Variants in SCAPER observed in about 807,000 individuals in gnomAD.
SCAPER encodes S phase cyclin A-associated protein in the endoplasmic reticulum.
In SCAPER, 98 loss-of-function variants were observed where a neutral mutation model predicts 182.2. The observed-to-expected ratio is 0.54, with a 90% CI of 0.46 to 0.64. The LOEUF (loss-of-function observed/expected upper bound fraction) is 0.64. Ranked by LOEUF, SCAPER falls within the 30% of genes least tolerant of loss-of-function variation. The probability of loss-of-function intolerance (pLI) is 0.00; values close to 1 mark genes in which losing one functional copy is unlikely to be tolerated. For missense variants in SCAPER, 1,432 were observed against 1,690.0 expected (o/e 0.85, Z 2.68); for synonymous variants, 605 against 564.6 (o/e 1.07, Z -1.01).
chr15:76,385,458 G>A (rs1025899478), intron 27 of SCAPER, among the ~76,000 whole-genome samples: 2 of 152,082 alleles, frequency 1.3e-5, no homozygotes, highest in African/African-American at 4.8e-5. Flanking sequence ...AATCCCTGAG[G>A]GATCTTGTGA....
chr15:76,861,012 A>T (rs1206198620), intron 3 of SCAPER, among the ~76,000 whole-genome samples: 5 of 152,158 alleles, frequency 3.3e-5, no homozygotes, highest in African/African-American at 1.2e-4. Context: ...AGTCCACACA[A>T]ACTGAAAATA....
At chr15:76,518,408 G>A (rs1018231921) in intron 23 of SCAPER, among the ~76,000 whole-genome samples, 1 of 152,122 alleles carries the variant, frequency 6.6e-6, no homozygotes, top group Non-Finnish European at 1.5e-5. Flanking sequence ...GAAGCAGCTG[G>A]GGTAAAAGTC....
At chr15:76,591,740 T>C (rs1348003750) in intron 22 of SCAPER, among the ~76,000 whole-genome samples, 5 of 152,206 alleles carry the variant, frequency 3.3e-5, no homozygotes, top group African/African-American at 7.2e-5. Flanking sequence ...AATCAAAATA[T>C]ATATATAAGT....
intron 25 of SCAPER, among the ~76,000 whole-genome samples, chr15:76,460,718 C>T (rs1261274835): frequency 6.6e-6 from 1 of 152,124 alleles, no homozygotes; most frequent in Non-Finnish European, 1.5e-5. Context: ...TCTTTCCATT[C>T]TTCAGACTAC....
intron 8 of SCAPER, among the ~76,000 whole-genome samples, chr15:76,785,462 CAG>C (rs980788955): frequency 6.6e-6 from 1 of 152,202 alleles, no homozygotes; most frequent in African/African-American, 2.4e-5. Flanking sequence ...CTGTGGAAGA[CAG>C]TGTGGCGATT....
rs113399087 is a variant in SCAPER at position 76,836,063 on chromosome 15, C to T, written c.393+5671G>A. Among the ~76,000 whole-genome samples, 1,016 of 152,038 alleles carry T rather than the reference C, an allele frequency of 6.7e-3. 13 individuals are homozygous for T. The highest frequency in any genetic ancestry group is 0.023 in the African/African-American group (968 of 41,448). ...CAAACAAATGGAAACATATTCCATG[C>T]TCATGGATAGGAAGAATCAATACTG... On this transcript the variant is annotated intron_variant, in intron 5 of 31. Transcript: ENST00000563290.
chr15:76,564,094 G>C (rs148561069), intron 23 of SCAPER, among the ~76,000 whole-genome samples: 99 of 152,190 alleles, frequency 6.5e-4, no homozygotes, highest in African/African-American at 2.2e-3. Context: ...CTTTATCCTT[G>C]AAAGCCGGCA....
intron 17 of SCAPER, among the ~76,000 whole-genome samples, 175 bp downstream of exon 17, chr15:76,728,420 G>A (rs1441740298): frequency 2.6e-5 from 4 of 152,082 alleles, no homozygotes; most frequent in African/African-American, 9.7e-5. Context: ...TGTAGTCCAA[G>A]CTACTCAGGA....
At chr15:76,567,611 A>G (rs2047134169) in intron 23 of SCAPER, among the ~76,000 whole-genome samples, 1 of 152,124 alleles carries the variant, frequency 6.6e-6, no homozygotes, top group African/African-American at 2.4e-5. Flanking sequence ...TTTAATTTGA[A>G]TTGTCCTGAT....
At chr15:76,376,572 C>T (rs554823234) in intron 28 of SCAPER, among the ~76,000 whole-genome samples, 1 of 152,306 alleles carries the variant, frequency 6.6e-6, no homozygotes, top group African/African-American at 2.4e-5. Context: ...CTACCTAAAG[C>T]ACAGTTATTT....
At chr15:76,591,185 AT>A (rs980414634) in intron 22 of SCAPER, among the ~76,000 whole-genome samples, 2 of 152,132 alleles carry the variant, frequency 1.3e-5, no homozygotes, top group African/African-American at 4.8e-5. Flanking sequence ...ATTTATACAA[AT>A]TAAAAAAAAG....
In SCAPER at chr15:76,716,281, A is replaced by C. The variant is rs571979962; in HGVS notation, c.2166-10297T>G. Among the ~76,000 whole-genome samples the C allele has an allele frequency of 6.6e-5, 10 of 152,160 alleles. No homozygotes were observed. In the East Asian group the frequency reaches 1.9e-3, roughly 29 times the overall value. ...AGCAGAGCCACTGTGTCCTACACCC[A>C]AGCGGTACCCTCAGGCCCATCTTCA... On this transcript the variant is annotated intron_variant, in intron 17 of 31. Transcript: ENST00000563290.
chr15:76,596,526 G>A lies in SCAPER; in HGVS notation c.2712-22242C>T, dbSNP rs1434084034. ...GACACAACAAAAAAAGAAAATTTCA[G>A]GCCAATATCCCTGTTGAACACCGAT... On this transcript the variant is annotated intron_variant, in intron 22 of 31. Transcript: ENST00000563290. 9.1e-5 allele frequency among the ~76,000 whole-genome samples: 11 copies of A among 120,230 alleles called. 5 individuals are homozygous for A. The highest frequency in any genetic ancestry group is 1.8e-4 in the Non-Finnish European group (9 of 49,532). The allele number at this position is 120,230 out of a possible 152,430, so 78.9% of individuals were successfully genotyped here.
chr15:76,569,462 T>A (rs1485199562), intron 23 of SCAPER, among the ~76,000 whole-genome samples: 1 of 152,176 alleles, frequency 6.6e-6, no homozygotes, highest in African/African-American at 2.4e-5. Context: ...GAATTCTGAA[T>A]CCACATTTAT....
intron 29 of SCAPER, among the ~76,000 whole-genome samples, chr15:76,357,200 A>C (rs1490345783): frequency 7.5e-6 from 1 of 132,944 alleles, no homozygotes; most frequent in African/African-American, 2.7e-5. Flanking sequence ...CCCTATGGCC[A>C]CTCACCTACC....
At chr15:76,662,955 T>C (rs1378711440) in intron 21 of SCAPER, among the ~76,000 whole-genome samples, 1 of 151,924 alleles carries the variant, frequency 6.6e-6, no homozygotes, top group African/African-American at 2.4e-5. Flanking sequence ...AAAATACTGA[T>C]AAAGCATATA....
chr15:76,434,220 T>C lies in SCAPER; in HGVS notation c.3169A>G (p.Ser1057Gly). 6.2e-7 allele frequency: 1 copy of C among 1,613,990 alleles called. No homozygotes were observed. The highest frequency in any genetic ancestry group is 8.5e-7 in the Non-Finnish European group (1 of 1,179,880). The change falls in exon 26 of 32, where the codon AGT becomes GGT. Residue 1057 changes from serine to glycine, a missense_variant. This residue lies in a region of SCAPER where 718 missense variants were observed against 799.7 expected (regional missense o/e 0.90). Transcript: ENST00000563290. Reference protein sequence around the residue: ...EGLTTGLLKVSAVVLGCLIAN... With the variant: ...EGLTTGLLKVGAVVLGCLIAN... ...ATCAGGCAGCCCAAAACCACAGCACTGACTTTGAGAAGTCCAGTTGTCAAG... is the reference window on the plus strand; with the variant it reads ...ATCAGGCAGCCCAAAACCACAGCACCGACTTTGAGAAGTCCAGTTGTCAAG...
chr15:76,733,366 T>C lies in SCAPER; in HGVS notation c.1885A>G (p.Ile629Val). 1 of 1,613,314 alleles carries C rather than the reference T, an allele frequency of 6.2e-7. No individual in the cohort carries two copies. The highest frequency in any genetic ancestry group is 1.1e-5 in the South Asian group (1 of 91,050). Residue 629 changes from isoleucine (I) to valine (V), a missense_variant, in exon 16 of 32, where the codon ATA becomes GTA. This residue lies in a region of SCAPER where 88 missense variants were observed against 184.2 expected (regional missense o/e 0.48). Transcript: ENST00000563290. ...TTATTCTGGGCTTCAAGGGTATTTA[T>C]AAAGGCAATTTCATTTACCTTTAAA... ...EEAKVNEIAF[I>V]NTLEAQNKRH...
chr15:76,406,042 C>T (rs573873470), intron 26 of SCAPER, among the ~76,000 whole-genome samples: 9 of 152,194 alleles, frequency 5.9e-5, no homozygotes, highest in South Asian at 2.1e-4. Flanking sequence ...TATGAAATGA[C>T]GACCACCAGA....
Sources: gnomAD v4.1 joint callset for allele counts (sites outside exome capture counted in the v4.1 genomes callset) on GRCh38, gnomAD v4.1.1 for gene constraint, gnomAD v4.1.1 regional missense constraint, MANE v1.5 for transcripts, NCBI Gene and HGNC (gene_info 2026-07-23, HGNC 2026-07-21) for gene names.